The following TAOK2 variants were observed in gnomAD, a reference collection of about 807,000 sequenced individuals.
TAOK2 encodes the protein serine/threonine-protein kinase TAO2.
A neutral mutation model predicts 122.5 loss-of-function variants in TAOK2; 42 were observed. The ratio of observed to expected loss-of-function variants is 0.34; its 90% CI spans 0.27 to 0.44. The LOEUF is 0.44. Among genes scored for constraint, TAOK2 ranks in the 20% least tolerant of loss-of-function variants. The pLI is 1.00. For missense variants in TAOK2, 1,264 were observed against 1,644.9 expected (o/e 0.77, Z 4.01); for synonymous variants, 704 against 677.6 (o/e 1.04, Z -0.61).
At chr16:29,989,414 C>G (rs900367954), downstream of TAOK2, 3 of 985,062 alleles carry the variant, frequency 3.0e-6, no homozygotes, top group Non-Finnish European at 3.6e-6. Flanking sequence ...CAGCTCCCCC[C>G]ACCCCCTCTG....
downstream of TAOK2, chr16:29,992,045 C>T (rs1022385871): frequency 1.3e-5 from 2 of 152,658 alleles, no homozygotes; most frequent in African/African-American, 4.9e-5. Context: ...ATGCCTGGGT[C>T]TCTTCCCGTA....
chr16:29,990,655 C>A, downstream of TAOK2: 3 of 864,262 alleles, frequency 3.5e-6, no homozygotes, highest in Middle Eastern at 3.3e-4. Context: ...AGGGTATGAC[C>A]ATCTTCCATT....
chr16:29,987,253 T>TG lies in TAOK2; in HGVS notation c.2985dup (p.Leu996AlafsTer141). ...CAGGCAGCGCTGCTGGCCCTTGAGG[T>TG]GGGGCTGGTGGGTCTGGGGGCCTCC... is the stretch of plus-strand genomic sequence containing the variant. On this transcript the variant is annotated frameshift_variant, in exon 16 of 16. Coordinates refer to ENST00000308893, the MANE Select transcript of TAOK2 (RefSeq NM_016151.4). LOFTEE classifies it high-confidence loss of function. The TG allele has an allele frequency of 6.5e-7, 1 of 1,529,932 alleles. No individual in the cohort carries two copies. Among genetic ancestry groups the TG allele is most frequent in the Non-Finnish European group, 8.7e-7 (1 of 1,143,616 alleles). The allele number at this position is 1,529,932 out of a possible 1,614,324, so 94.8% of individuals were successfully genotyped here. A position where few individuals can be genotyped will look rare whatever the true frequency, so the allele number is the denominator to read the frequency against.
intron 9 of TAOK2, 25 bp from the exon 10 acceptor site, chr16:29,981,833 CT>C (rs771178364): frequency 6.2e-7 from 1 of 1,603,706 alleles, no homozygotes; most frequent in Non-Finnish European, 8.5e-7. Context: ...TTCCCCACCC[CT>C]CTCCCACCCT....
downstream of TAOK2, chr16:29,991,668 A>C: frequency 7.4e-7 from 1 of 1,347,990 alleles, no homozygotes. The surrounding 1 kb of genome is among the most constrained non-coding windows in gnomAD (Gnocchi z 5.6). Flanking sequence ...GGTAGGGGAC[A>C]AGATGTAGGC....
At chr16:29,983,783 G>C in intron 13 of TAOK2, 119 bp downstream of exon 13, 1 of 1,455,552 alleles carries the variant, frequency 6.9e-7, no homozygotes, top group South Asian at 1.3e-5. Context: ...CTCATTTTCT[G>C]TTGCTGGCTC....
chr16:29,986,650 A>G lies in TAOK2; in HGVS notation c.2378A>G (p.Glu793Gly). The G allele has an allele frequency of 1.2e-6, 2 of 1,612,360 alleles. No individual in the cohort carries two copies. Among genetic ancestry groups the G allele is most frequent in the Admixed American group, 3.4e-5 (2 of 59,584 alleles). The change falls in exon 16 of 16, where the codon GAG (glutamate) becomes GGG (glycine). Residue 793 changes from glutamate (E) to glycine (G), a missense_variant. Glu to Gly is a moderately conservative substitution (Grantham distance 98). This residue lies in a region of TAOK2 where 824 missense variants were observed against 908.7 expected (regional missense o/e 0.91). Coordinates refer to ENST00000308893, the MANE Select transcript of TAOK2 (RefSeq NM_016151.4). The surrounding 1 kb of genome is among the most constrained non-coding windows in gnomAD (Gnocchi z 4.2). ...VLDQRMLGEE[E>G]EAVGERRILG... Reference sequence around the variant, plus strand: ...GACCAAAGAATGCTTGGCGAGGAGGAGGAAGCAGTTGGAGAGAGAAGGATT... The same window carrying G: ...GACCAAAGAATGCTTGGCGAGGAGGGGGAAGCAGTTGGAGAGAGAAGGATT...
Position 29,985,963 on chromosome 16 carries a change from G to T in TAOK2, c.1992+102G>T, listed in dbSNP as rs952605604. ...CTTGTCTTCTTTCTCCTTGGCCCTC[G>T]AGTGTTACAGTTCAGCTTTGCTTCA... On this transcript the variant is annotated intron_variant, in intron 15 of 15. Transcript: ENST00000308893. This position sits in a 1 kb window ranked among gnomAD's most constrained non-coding sequence, Gnocchi z 6.9. 3 of 1,381,326 alleles carry T rather than the reference G, an allele frequency of 2.2e-6. No homozygotes were observed. The highest frequency in any genetic ancestry group is 4.2e-5 in the Admixed American group (2 of 47,750). 85.6% of individuals were successfully genotyped at this position (1,381,326 alleles called of 1,614,324 possible). A position where few individuals can be genotyped will look rare whatever the true frequency, so the allele number is the denominator to read the frequency against.
downstream of TAOK2, chr16:29,990,105 CAG>C (rs755804938): frequency 2.0e-5 from 7 of 342,178 alleles, no homozygotes; most frequent in Admixed American, 4.2e-5. Context: ...AATGGGTAAA[CAG>C]GGTGCAGATT....
Position 29,979,264 on chromosome 16 carries a change from G to C in TAOK2, c.519G>C (p.Ala173=). 1 of 1,614,190 alleles carries C rather than the reference G, an allele frequency of 6.2e-7. No individual in the cohort carries two copies. Among genetic ancestry groups the C allele is most frequent in the Non-Finnish European group, 8.5e-7 (1 of 1,180,032 alleles). Residue 173 remains alanine (A), a synonymous_variant, in exon 7 of 16, where the codon GCG becomes GCC. Transcript: ENST00000308893. The surrounding 1 kb of genome is among the most constrained non-coding windows in gnomAD (Gnocchi z 4.1). The part of the protein sequence containing the change: ...GLVKLGDFGS[A]SIMAPANSFV... ...TGAAGCTAGGGGACTTTGGTTCTGC[G>C]TCCATCATGGCACCTGCCAACTCCT... is the stretch of plus-strand genomic sequence containing the variant.
chr16:29,984,438 G>A (rs2069718040), intron 13 of TAOK2, among the ~76,000 whole-genome samples: 1 of 152,192 alleles, frequency 6.6e-6, no homozygotes, highest in Non-Finnish European at 1.5e-5. Flanking sequence ...CGTTCCTGCT[G>A]AGCTGCATTT....
intron 5 of TAOK2, 36 bp from the exon 6 acceptor site, chr16:29,978,938 C>A: frequency 1.2e-6 from 2 of 1,613,202 alleles, no homozygotes; most frequent in South Asian, 1.1e-5. Flanking sequence ...CCCACCCTTG[C>A]GCTCCCTCGG....
chr16:29,991,724 G>T, downstream of TAOK2: 1 of 1,015,168 alleles, frequency 9.9e-7, no homozygotes, highest in Non-Finnish European at 1.3e-6. This position sits in a 1 kb window ranked among gnomAD's most constrained non-coding sequence, Gnocchi z 5.6. Context: ...TCTTGGGGCT[G>T]GCCAGTGGCC....
chr16:29,981,431 A>T, intron 8 of TAOK2: 1 of 610,180 alleles, frequency 1.6e-6, no homozygotes, highest in Non-Finnish European at 3.0e-6. Context: ...GCTTTTGTGG[A>T]TGTTATTTTC....
rs1567238179 is a variant in TAOK2 at position 29,977,800 on chromosome 16, CTGAAGGACCCAGATG to C, written c.31_45del (p.Lys11_Val15del). 1.2e-6 allele frequency: 2 copies of C among 1,614,086 alleles called. No homozygotes were observed. Among genetic ancestry groups the C allele is most frequent in the Non-Finnish European group, 1.7e-6 (2 of 1,180,020 alleles). On this transcript the variant is annotated inframe_deletion, in exon 2 of 16. Coordinates refer to ENST00000308893, the MANE Select transcript of TAOK2 (RefSeq NM_016151.4). ...GCCAGCTGGGGGCCGGGCCGGGAGC[CTGAAGGACCCAGATG>C]TGGCTGAGCTCTTCTTCAAGGATGA...
At chr16:29,976,139 G>C (rs2069446740) in intron 1 of TAOK2, among the ~76,000 whole-genome samples, 1 of 152,122 alleles carries the variant, frequency 6.6e-6, no homozygotes, top group Non-Finnish European at 1.5e-5. Flanking sequence ...GTGTGGCCTA[G>C]GTTAGCATTC....
At chr16:29,988,400 C>T (rs2069883706), downstream of TAOK2, 1 of 1,301,810 alleles carries the variant, frequency 7.7e-7, no homozygotes. Context: ...GGAACTGTGC[C>T]TTTGGCCCAG....
At chr16:29,982,933 T>C (rs374786201) in intron 11 of TAOK2, 32 bp downstream of exon 11, 31 of 1,611,476 alleles carry the variant, frequency 1.9e-5, no homozygotes, top group Non-Finnish European at 2.5e-5. Context: ...CCCCTCTTTA[T>C]ACCCCATGTG....
rs747450511 is a variant in TAOK2 at position 29,985,385 on chromosome 16, G to A, written c.1595G>A (p.Arg532Gln). 21 of 1,609,636 alleles carry A rather than the reference G, an allele frequency of 1.3e-5. No homozygotes were observed. The highest frequency in any genetic ancestry group is 2.2e-5 in the East Asian group (1 of 44,764). The change falls in exon 14 of 16, where the codon CGG becomes CAG. Residue 532 changes from arginine to glutamine, a missense_variant. Transcript: ENST00000308893. The surrounding 1 kb of genome is among the most constrained non-coding windows in gnomAD (Gnocchi z 6.9). The part of the protein sequence containing the change: ...ARLQRELEAQ[R>Q]AGFGAEAEKL... ...CTGCAGCGGGAGCTTGAGGCGCAGC[G>A]GGCTGGCTTTGGGGCAGAGGCAGAA... is the stretch of plus-strand genomic sequence containing the variant.
Sources: allele counts gnomAD v4.1 joint callset (sites outside exome capture counted in the v4.1 genomes callset), GRCh38; gene constraint gnomAD v4.1.1; regional missense constraint gnomAD v4.1.1; non-coding constraint Gnocchi (gnomAD v3.1); transcripts MANE v1.5; gene names NCBI Gene and HGNC (gene_info 2026-07-23, HGNC 2026-07-21).